The following POU6F2 variants were observed in gnomAD, a reference collection of about 807,000 sequenced individuals.
The protein encoded by POU6F2 is POU domain, class 6, transcription factor 2.
Under a neutral mutation model 71.3 loss-of-function variants are expected in POU6F2, and 31 were observed. The ratio of observed to expected loss-of-function variants is 0.43; its 90% CI spans 0.33 to 0.59. The LOEUF is 0.59. Ranked by LOEUF, POU6F2 falls within the 20% of genes least tolerant of loss-of-function variation. The pLI, the probability that POU6F2 is intolerant of heterozygous loss-of-function variation, is 0.04. For synonymous variants in POU6F2, 347 were observed against 355.7 expected (o/e 0.98, Z 0.27); for missense variants, 783 against 856.8 (o/e 0.91, Z 1.07).
chr7:39,303,765 A>G (rs528638710), intron 4 of POU6F2, among the ~76,000 whole-genome samples: 28 of 152,376 alleles, frequency 1.8e-4, no homozygotes, highest in African/African-American at 6.3e-4. Flanking sequence ...TTTATAGGAA[A>G]GGAAAGAAGA....
At chr7:39,311,250 T>A (rs1785158910) in intron 4 of POU6F2, among the ~76,000 whole-genome samples, 1 of 151,516 alleles carries the variant, frequency 6.6e-6, no homozygotes, top group South Asian at 2.1e-4. Context: ...TGGGTACATG[T>A]TATACAGGCA....
intron 1 of POU6F2, among the ~76,000 whole-genome samples, chr7:39,026,549 A>G (rs1165245993): frequency 1.3e-5 from 2 of 152,060 alleles, no homozygotes; most frequent in Non-Finnish European, 2.9e-5. Context: ...GAATTGAACA[A>G]TGAGAACACA....
At chr7:39,115,111 C>T (rs1054858137) in intron 2 of POU6F2, among the ~76,000 whole-genome samples, 14 of 152,224 alleles carry the variant, frequency 9.2e-5, no homozygotes, top group Admixed American at 9.2e-4. Flanking sequence ...TTTGGCTTTG[C>T]CTTTCATTCA....
At chr7:39,408,210 G>C (rs2115903944) in intron 6 of POU6F2, among the ~76,000 whole-genome samples, 1 of 152,284 alleles carries the variant, frequency 6.6e-6, no homozygotes, top group Non-Finnish European at 1.5e-5. Context: ...CCAGGGAGCT[G>C]GCCCTTGAGA....
intron 2 of POU6F2, among the ~76,000 whole-genome samples, chr7:39,086,999 C>G (rs1791260347): frequency 1.3e-5 from 2 of 150,906 alleles, no homozygotes; most frequent in Admixed American, 6.6e-5. Context: ...ACATACTAAC[C>G]TGACATATAT....
At chr7:39,212,982 G>T (rs2128747019) in intron 4 of POU6F2, among the ~76,000 whole-genome samples, 1 of 152,326 alleles carries the variant, frequency 6.6e-6, no homozygotes, top group South Asian at 2.1e-4. Context: ...GAACGGTAGA[G>T]CTGAGTCTAC....
intron 1 of POU6F2, among the ~76,000 whole-genome samples, chr7:38,982,697 C>T (rs765126838): frequency 1.3e-5 from 2 of 151,962 alleles, no homozygotes; most frequent in Non-Finnish European, 2.9e-5. Context: ...ATTAGATGAA[C>T]TTGGGTCTTG....
chr7:39,012,575 G>A (rs2128703669), intron 1 of POU6F2, among the ~76,000 whole-genome samples: 1 of 152,096 alleles, frequency 6.6e-6, no homozygotes, highest in South Asian at 2.1e-4. Flanking sequence ...GAGGAACTGT[G>A]TTCCTTTAGA....
intron 4 of POU6F2, among the ~76,000 whole-genome samples, chr7:39,323,006 G>A (rs1395977013): frequency 6.6e-6 from 1 of 151,856 alleles, no homozygotes; most frequent in Non-Finnish European, 1.5e-5. Context: ...ATAAGCTGAA[G>A]TCATCAAGTG....
At chr7:39,098,970 C>T (rs1444974118) in intron 2 of POU6F2, among the ~76,000 whole-genome samples, 1 of 152,196 alleles carries the variant, frequency 6.6e-6, no homozygotes, top group Non-Finnish European at 1.5e-5. Context: ...AAGGGTCCTC[C>T]TGATCAAAGA....
At chr7:39,080,043 A>T (rs558751826) in intron 1 of POU6F2, among the ~76,000 whole-genome samples, 1 of 152,216 alleles carries the variant, frequency 6.6e-6, no homozygotes, top group Non-Finnish European at 1.5e-5. Context: ...AAATTTTCAA[A>T]ATGTTCTACA....
intron 1 of POU6F2, among the ~76,000 whole-genome samples, chr7:39,018,977 T>C (rs702820): frequency 0.099 from 15,112 of 152,212 alleles, 824 homozygotes; most frequent in Middle Eastern, 0.13. Flanking sequence ...GCCTTGGTTT[T>C]CCAGGACGAT....
At chr7:39,141,704 T>C (rs1792507152) in intron 2 of POU6F2, among the ~76,000 whole-genome samples, 1 of 152,190 alleles carries the variant, frequency 6.6e-6, no homozygotes, top group Non-Finnish European at 1.5e-5. Flanking sequence ...ATAATAACCA[T>C]AATGAATATT....
chr7:39,023,049 G>A (rs1437719145), intron 1 of POU6F2, among the ~76,000 whole-genome samples: 1 of 152,000 alleles, frequency 6.6e-6, no homozygotes, highest in East Asian at 1.9e-4. Flanking sequence ...TAGGTGGGTA[G>A]TGGTATTTCA....
chr7:39,011,663 G>A (rs1398477033), intron 1 of POU6F2, among the ~76,000 whole-genome samples: 7 of 149,384 alleles, frequency 4.7e-5, no homozygotes, highest in South Asian at 2.2e-4. Flanking sequence ...GGCTGGTACC[G>A]GTTGTTCCTT....
Position 39,460,595 on chromosome 7 carries a change from TC to T in POU6F2, c.1540del (p.Arg514GlufsTer16). The T allele has an allele frequency of 1.2e-6, 2 of 1,613,402 alleles. No homozygotes were observed. The highest frequency in any genetic ancestry group is 1.7e-6 in the Non-Finnish European group (2 of 1,179,704). ...GTGGATGGGGTTAATCTGGAGGAGATCCGAGAATTTGCCAAAGCTTTTAAAA... is the reference window on the plus strand; with the variant it reads ...GTGGATGGGGTTAATCTGGAGGAGATCGAGAATTTGCCAAAGCTTTTAAAA... The part of the protein sequence containing the change: ...GEVDGVNLEE[I>X]REFAKAFKIR... On this transcript the variant is annotated frameshift_variant, in exon 9 of 10. Coordinates refer to ENST00000518318, the MANE Select transcript of POU6F2 (RefSeq NM_001370959.1). LOFTEE classifies it high-confidence loss of function. This position sits in a 1 kb window ranked among gnomAD's most constrained non-coding sequence, Gnocchi z 4.4.
chr7:39,007,535 T>C (rs1441356040), intron 1 of POU6F2, among the ~76,000 whole-genome samples: 3 of 152,180 alleles, frequency 2.0e-5, no homozygotes, highest in South Asian at 2.1e-4. Flanking sequence ...TACTTTTTTT[T>C]CTTATTATAC....
chr7:39,096,511 C>T (rs1007104734), intron 2 of POU6F2, among the ~76,000 whole-genome samples: 1 of 152,154 alleles, frequency 6.6e-6, no homozygotes, highest in African/African-American at 2.4e-5. Context: ...ATCTTTCTGT[C>T]AAGAGGAGTC....
chr7:39,338,286 C>T (rs1785824988), intron 4 of POU6F2, among the ~76,000 whole-genome samples: 1 of 152,138 alleles, frequency 6.6e-6, no homozygotes, highest in South Asian at 2.1e-4. Flanking sequence ...ATTTTGTAAA[C>T]TAGAAGAAAG....
Sources: gnomAD v4.1 joint callset for allele counts (sites outside exome capture counted in the v4.1 genomes callset) on GRCh38, gnomAD v4.1.1 for gene constraint, Gnocchi (gnomAD v3.1) non-coding constraint, MANE v1.5 for transcripts, NCBI Gene and HGNC (gene_info 2026-07-23, HGNC 2026-07-21) for gene names.